CFI: variants seen among roughly 807,000 people sequenced by gnomAD.
CFI encodes complement factor I, also known as C3B/C4B inactivator.
A neutral mutation model predicts 78.8 loss-of-function variants in CFI; 66 were observed. The ratio of observed to expected loss-of-function variants is 0.84; its 90% CI spans 0.69 to 1.03. CFI has a LOEUF of 1.03. Ranked by LOEUF, CFI falls within the 50% of genes least tolerant of loss-of-function variation. The probability of loss-of-function intolerance (pLI) is 0.00; values close to 1 mark genes in which losing one functional copy is unlikely to be tolerated. For missense variants in CFI, 706 were observed against 704.5 expected (o/e 1.00, Z -0.02); for synonymous variants, 250 against 232.6 (o/e 1.07, Z -0.68).
At chr4:109,786,250 C>T (rs1258551792) in intron 1 of CFI, among the ~76,000 whole-genome samples, 1 of 152,020 alleles carries the variant, frequency 6.6e-6, no homozygotes, top group Non-Finnish European at 1.5e-5. Context: ...AGGCTGGTCT[C>T]GAACTCCTGA....
intron 1 of CFI, among the ~76,000 whole-genome samples, chr4:109,773,757 G>A (rs1560552665): frequency 6.6e-6 from 1 of 152,150 alleles, no homozygotes; most frequent in Non-Finnish European, 1.5e-5. Flanking sequence ...CAAACACATG[G>A]ATCAGGTATT....
intron 8 of CFI, among the ~76,000 whole-genome samples, chr4:109,752,225 G>C (rs1411947752): frequency 6.6e-6 from 1 of 152,098 alleles, no homozygotes. Flanking sequence ...TATGATTGGA[G>C]TATTGTTTTC....
chr4:109,741,251 G>C, intron 12 of CFI, 141 bp from the exon 13 acceptor site: 2 of 1,498,066 alleles, frequency 1.3e-6, no homozygotes, highest in South Asian at 2.7e-5. Flanking sequence ...TAGAGTCCCT[G>C]GCTGGGCTTG....
chr4:109,770,093 T>C (rs1407711949), intron 1 of CFI, among the ~76,000 whole-genome samples: 1 of 152,112 alleles, frequency 6.6e-6, no homozygotes, highest in African/African-American at 2.4e-5. Context: ...TACATAAAAT[T>C]ACGGGAAGCC....
intron 7 of CFI, among the ~76,000 whole-genome samples, chr4:109,757,023 A>T (rs990862561): frequency 6.6e-6 from 1 of 152,014 alleles, no homozygotes; most frequent in African/African-American, 2.4e-5. Context: ...TGAACTGGGG[A>T]TATGAGTCAT....
chr4:109,787,588 G>A (rs1304670855), intron 1 of CFI, among the ~76,000 whole-genome samples: 1 of 151,732 alleles, frequency 6.6e-6, no homozygotes, highest in East Asian at 1.9e-4. Flanking sequence ...AATTTGATAA[G>A]GTCTTTTGTT....
chr4:109,754,108 C>G (rs556072669), intron 7 of CFI, among the ~76,000 whole-genome samples: 6 of 151,486 alleles, frequency 4.0e-5, no homozygotes, highest in Non-Finnish European at 7.4e-5. Flanking sequence ...CTCAGCCTCC[C>G]GAGTAGCTGG....
In CFI at chr4:109,752,587, A is replaced by G. The variant is rs555398819; in HGVS notation, c.905-84T>C. On this transcript the variant is annotated intron_variant, in intron 7 of 12. Transcript: ENST00000394634. ...CATTAAAATCATTTAAACACTGATT[A>G]TAATTTTCTGCCTTAAAACTTATCC... 45 of 1,194,284 alleles carry G rather than the reference A, an allele frequency of 3.8e-5. No individual in the cohort carries two copies. The African/African-American group carries it at 5.3e-4, about 14-fold the overall frequency. 74.0% of individuals were successfully genotyped at this position (1,194,284 alleles called of 1,614,324 possible).
chr4:109,771,863 G>C (rs965600523), intron 1 of CFI, among the ~76,000 whole-genome samples: 2 of 151,970 alleles, frequency 1.3e-5, no homozygotes, highest in Non-Finnish European at 2.9e-5. Context: ...TTTCATCATG[G>C]TTATAGGCTA....
At chr4:109,760,121 G>A (rs1408594297) in intron 6 of CFI, 149 bp downstream of exon 6, 1 of 709,240 alleles carries the variant, frequency 1.4e-6, no homozygotes. Context: ...ATGAGGAGAT[G>A]AACATTCCAT....
At chr4:109,770,697 G>C (rs991497947) in intron 1 of CFI, among the ~76,000 whole-genome samples, 1 of 150,252 alleles carries the variant, frequency 6.7e-6, no homozygotes, top group Non-Finnish European at 1.5e-5. Context: ...TGAGAATACA[G>C]GAATTTTTTT....
intron 1 of CFI, among the ~76,000 whole-genome samples, chr4:109,786,072 C>T (rs1730700609): frequency 6.6e-6 from 1 of 151,990 alleles, no homozygotes; most frequent in Admixed American, 6.6e-5. Context: ...CAAAGTCTAG[C>T]TCTGAGAGTG....
At chr4:109,774,025 A>G (rs1728916798) in intron 1 of CFI, among the ~76,000 whole-genome samples, 1 of 152,270 alleles carries the variant, frequency 6.6e-6, no homozygotes, top group Non-Finnish European at 1.5e-5. Context: ...TGTGGAAAAA[A>G]TATCAGAAAT....
intron 1 of CFI, among the ~76,000 whole-genome samples, chr4:109,791,293 G>T (rs1306659013): frequency 6.6e-6 from 1 of 151,224 alleles, no homozygotes; most frequent in Non-Finnish European, 1.5e-5. Flanking sequence ...TTAATGGGTT[G>T]TTTTTTTCTT....
intron 1 of CFI, among the ~76,000 whole-genome samples, chr4:109,772,259 G>A (rs960801751): frequency 5.9e-5 from 9 of 152,238 alleles, no homozygotes; most frequent in South Asian, 2.1e-4. Flanking sequence ...TAAGTCACAT[G>A]TATCTCAACG....
intron 10 of CFI, among the ~76,000 whole-genome samples, chr4:109,748,002 G>T (rs1724689133): frequency 6.6e-6 from 1 of 152,138 alleles, no homozygotes; most frequent in South Asian, 2.1e-4. Context: ...GTTCCTAACA[G>T]GCCACAGATC....
At chr4:109,791,971 T>G (rs1731439776) in intron 1 of CFI, among the ~76,000 whole-genome samples, 1 of 152,208 alleles carries the variant, frequency 6.6e-6, no homozygotes, top group South Asian at 2.1e-4. Context: ...ATTTGTAGAT[T>G]TTCTAATTTT....
At chr4:109,764,808 A>C in intron 2 of CFI, 118 bp from the exon 3 acceptor site, 1 of 938,620 alleles carries the variant, frequency 1.1e-6, no homozygotes, top group South Asian at 1.5e-5. Flanking sequence ...CATCATGACG[A>C]TTTTAACAAG....
chr4:109,798,508 GTTT>G (rs35617864), intron 1 of CFI, among the ~76,000 whole-genome samples: 27,006 of 74,726 alleles, frequency 0.36, 4,551 homozygotes, highest in East Asian at 0.51. Flanking sequence ...TCAATAAAGT[GTTT>G]TTTTTTTTTA....
Sources: allele counts gnomAD v4.1 joint callset (sites outside exome capture counted in the v4.1 genomes callset), GRCh38; gene constraint gnomAD v4.1.1; transcripts MANE v1.5; gene names NCBI Gene and HGNC (gene_info 2026-07-23, HGNC 2026-07-21).